Variants in PCDHGA1 observed in about 807,000 individuals in gnomAD.
The protein encoded by PCDHGA1 is protocadherin gamma subfamily A, 1, also known as protocadherin gamma-A1.
A neutral mutation model predicts 58.0 loss-of-function variants in PCDHGA1; 32 were observed. The observed-to-expected ratio is 0.55, with a 90% CI of 0.42 to 0.74. The LOEUF is 0.74. Among genes scored for constraint, PCDHGA1 ranks in the 30% least tolerant of loss-of-function variants. The pLI is 0.00. For synonymous variants in PCDHGA1, 498 were observed against 501.1 expected, an observed-to-expected ratio of 0.99 and a Z score of 0.08; for missense variants, 1,205 against 1,182.3, an observed-to-expected ratio of 1.02 and a Z score of -0.28.
chr5:141,334,977 C>T lies in PCDHGA1; in HGVS notation c.2421+1872C>T, dbSNP rs1423897785. Among the ~76,000 whole-genome samples the T allele has an allele frequency of 6.6e-6, 1 of 152,200 alleles. No individual in the cohort carries two copies. The highest frequency in any genetic ancestry group is 1.9e-4 in the East Asian group (1 of 5,198). ...ATATACAAACCAAAATTTCAAAACA[C>T]ACTTGTCTCGTAGAATTTATTGTTA... On this transcript the variant is annotated intron_variant, in intron 1 of 3. Transcript: ENST00000517417. This position sits in a 1 kb window ranked among gnomAD's most constrained non-coding sequence, Gnocchi z 4.6.
chr5:141,433,042 G>T (rs752612411), intron 1 of PCDHGA1: 10 of 1,614,024 alleles, frequency 6.2e-6, no homozygotes, highest in East Asian at 4.5e-5. Flanking sequence ...CCCTCACCAC[G>T]GACTCGCGGA....
At chr5:141,478,174 GA>G (rs1156842877) in intron 1 of PCDHGA1, 1 of 1,613,574 alleles carries the variant, frequency 6.2e-7, no homozygotes, top group East Asian at 2.2e-5. Context: ...CCCGGGAGCA[GA>G]AAAAAAATCT....
chr5:141,371,147 T>G (rs1383396635), intron 1 of PCDHGA1: 1 of 1,614,026 alleles, frequency 6.2e-7, no homozygotes, highest in South Asian at 1.1e-5. Context: ...GGGTCAATGT[T>G]GCAGAGAACC....
At chr5:141,421,089 T>A (rs1047424267) in intron 1 of PCDHGA1, 25 of 661,836 alleles carry the variant, frequency 3.8e-5, no homozygotes, top group Middle Eastern at 4.1e-4. Context: ...TCACAGATCC[T>A]GACACTGGAG....
chr5:141,480,951 G>A (rs924500955), intron 1 of PCDHGA1, among the ~76,000 whole-genome samples: 4 of 152,038 alleles, frequency 2.6e-5, no homozygotes, highest in Non-Finnish European at 2.9e-5. Flanking sequence ...AGGCTGAGGC[G>A]GAAGCATCAG....
intron 1 of PCDHGA1, chr5:141,370,352 C>T (rs1169280813): frequency 6.7e-7 from 1 of 1,499,528 alleles, no homozygotes; most frequent in Non-Finnish European, 8.9e-7. Flanking sequence ...ATTTAAAGAT[C>T]TCCTCTCCTC....
In PCDHGA1 at chr5:141,485,701, A is replaced by G. The variant is rs747748476; in HGVS notation, c.2422-9106A>G. The G allele has an allele frequency of 1.9e-6, 3 of 1,614,104 alleles. No homozygotes were observed. Among genetic ancestry groups the G allele is most frequent in the Non-Finnish European group, 2.5e-6 (3 of 1,180,010 alleles). On this transcript the variant is annotated intron_variant, in intron 1 of 3. Transcript: ENST00000517417. The surrounding 1 kb of genome is among the most constrained non-coding windows in gnomAD (Gnocchi z 5.7). ...GCAGCTATAGGCTGAGCTCCAATGAACACTTTGCACTGGATGTGAAGAAGC... is the reference window on the plus strand; with the variant it reads ...GCAGCTATAGGCTGAGCTCCAATGAGCACTTTGCACTGGATGTGAAGAAGC...
chr5:141,409,883 C>T lies in PCDHGA1; in HGVS notation c.2421+76778C>T, dbSNP rs530193346. 1.2e-6 allele frequency: 2 copies of T among 1,612,988 alleles called. No individual in the cohort carries two copies. The highest frequency in any genetic ancestry group is 3.3e-5 in the Admixed American group (2 of 59,964). ...GGGAGACCGCAATGACAACGCACCGCGGGTGCTGTACCCAGCTCTGGGTCC... is the reference window on the plus strand; with the variant it reads ...GGGAGACCGCAATGACAACGCACCGTGGGTGCTGTACCCAGCTCTGGGTCC... On this transcript the variant is annotated intron_variant, in intron 1 of 3. Transcript: ENST00000517417.
chr5:141,399,362 C>T (rs182743080), intron 1 of PCDHGA1: 5 of 1,613,990 alleles, frequency 3.1e-6, no homozygotes, highest in East Asian at 2.2e-5. Context: ...GAGCAAACCC[C>T]GGAGTACAAT....
In PCDHGA1 at chr5:141,418,134, G is replaced by A. The variant is rs367774534; in HGVS notation, c.2422-76673G>A. ...TTACTTGTGAAGGACCGAATAGACC[G>A]TGAGCAAATATGCAAAGAGAGAAGA... On this transcript the variant is annotated intron_variant, in intron 1 of 3. Transcript: ENST00000517417. The A allele has an allele frequency of 3.1e-6, 5 of 1,613,970 alleles. No individual in the cohort carries two copies. In the African/African-American group the frequency reaches 4.0e-5, roughly 13 times the overall value.
At chr5:141,403,226 C>T (rs1329726577) in intron 1 of PCDHGA1, 1 of 1,613,926 alleles carries the variant, frequency 6.2e-7, no homozygotes, top group South Asian at 1.1e-5. Flanking sequence ...TAGGATAGAC[C>T]GGGAGGAGCT....
chr5:141,415,477 CGAAA>C (rs764359660), intron 1 of PCDHGA1: 56 of 1,614,066 alleles, frequency 3.5e-5, no homozygotes, highest in Middle Eastern at 3.3e-4. Context: ...CGCGGACTCG[CGAAA>C]GAGTCACCTG....
At chr5:141,497,849 T>G (rs1337258582) in intron 2 of PCDHGA1, among the ~76,000 whole-genome samples, 1 of 152,192 alleles carries the variant, frequency 6.6e-6, no homozygotes, top group African/African-American at 2.4e-5. Flanking sequence ...ACAAACATTT[T>G]TGATTCAGCG....
At chr5:141,456,815 T>A (rs867637586) in intron 1 of PCDHGA1, among the ~76,000 whole-genome samples, 5 of 151,934 alleles carry the variant, frequency 3.3e-5, no homozygotes, top group Non-Finnish European at 7.4e-5. Flanking sequence ...ATACAAAAAA[T>A]TAGCCATCGT....
intron 1 of PCDHGA1, chr5:141,423,469 C>G: frequency 3.1e-6 from 5 of 1,613,948 alleles, no homozygotes; most frequent in Non-Finnish European, 4.2e-6. Flanking sequence ...GGACGGGGTA[C>G]AGGCTTTCCT....
Position 141,511,350 on chromosome 5 carries a change from C to T in PCDHGA1, c.*177C>T, listed in dbSNP as rs1303365585. Reference sequence around the variant, plus strand: ...CCCAGTCAGCACCTACCCCTTCCCCCCCAGGGGGTTGAATATGCAAAAGCA... The same window carrying T: ...CCCAGTCAGCACCTACCCCTTCCCCTCCAGGGGGTTGAATATGCAAAAGCA... On this transcript the variant is annotated 3_prime_UTR_variant, in exon 4 of 4. Transcript: ENST00000517417. The T allele has an allele frequency of 6.4e-6, 9 of 1,397,076 alleles. No homozygotes were observed. Among genetic ancestry groups the T allele is most frequent in the Non-Finnish European group, 8.6e-6 (9 of 1,050,666 alleles). 86.5% of individuals were successfully genotyped at this position (1,397,076 alleles called of 1,614,324 possible).
intron 1 of PCDHGA1, chr5:141,370,753 C>G: frequency 6.2e-7 from 1 of 1,613,950 alleles, no homozygotes; most frequent in Non-Finnish European, 8.5e-7. Flanking sequence ...TTTCATGTAA[C>G]TGTGCTGATC....
rs1036223789 is a variant in PCDHGA1, at chr5:141,511,298, G to A, written c.*125G>A. On this transcript the variant is annotated 3_prime_UTR_variant, in exon 4 of 4. Transcript: ENST00000517417. ...GAATACTGGTAGGGGCCAAGGCCAT[G>A]CTCCCCTTGGGAAACAGAAACAAGT... The A allele has an allele frequency of 4.7e-6, 7 of 1,502,412 alleles. No individual in the cohort carries two copies. In the African/African-American group the frequency reaches 8.4e-5, roughly 18 times the overall value. The allele number at this position is 1,502,412 out of a possible 1,614,324, so 93.1% of individuals were successfully genotyped here. A position where few individuals can be genotyped will look rare whatever the true frequency, so the allele number is the denominator to read the frequency against.
chr5:141,504,763 C>G (rs1057360921), intron 2 of PCDHGA1, among the ~76,000 whole-genome samples: 5 of 152,018 alleles, frequency 3.3e-5, no homozygotes, highest in African/African-American at 1.2e-4. Context: ...AATTTCTTCT[C>G]CCTGCTCCAG....
Sources: gnomAD v4.1 joint callset for allele counts (sites outside exome capture counted in the v4.1 genomes callset) on GRCh38, gnomAD v4.1.1 for gene constraint, Gnocchi (gnomAD v3.1) non-coding constraint, MANE v1.5 for transcripts, NCBI Gene and HGNC (gene_info 2026-07-23, HGNC 2026-07-21) for gene names.